DMD: variants seen among roughly 807,000 people sequenced by gnomAD.
DMD encodes dystrophin.
DMD carries 63 observed loss-of-function variants against 330.1 expected under a neutral mutation model. The ratio of observed to expected loss-of-function variants is 0.19; its 90% CI spans 0.16 to 0.24. The LOEUF is 0.24. Among genes scored for constraint, DMD ranks in the 10% least tolerant of loss-of-function variants. The pLI, the probability that DMD is intolerant of heterozygous loss-of-function variation, is 1.00. For missense variants in DMD, 3,344 were observed against 2,684.1 expected (o/e 1.25, Z -5.43); for synonymous variants, 1,223 against 959.8 (o/e 1.27, Z -5.07).
At chrX:31,932,343 T>C in intron 45 of DMD, 116 bp from the exon 46 acceptor site, 2 of 538,419 alleles carry the variant, frequency 3.7e-6, no homozygotes, top group Admixed American at 3.5e-5. Flanking sequence ...TTAAAAGATG[T>C]TAACCATACA....
intron 1 of DMD, among the ~76,000 whole-genome samples, chrX:33,261,211 C>T (rs562319518): frequency 2.3e-4 from 25 of 110,535 alleles, no homozygotes; most frequent in Admixed American, 7.8e-4. Context: ...CAATAAATAA[C>T]GGGAGATTAA....
chrX:31,156,889 T>C (rs2038194304), intron 74 of DMD, among the ~76,000 whole-genome samples: 1 of 111,712 alleles, frequency 9.0e-6, no homozygotes, highest in Non-Finnish European at 1.9e-5. Context: ...ATTTGTCCTG[T>C]AGATACCTGA....
intron 1 of DMD, among the ~76,000 whole-genome samples, chrX:33,090,272 C>A (rs2095067365): frequency 9.2e-6 from 1 of 109,111 alleles, no homozygotes; most frequent in East Asian, 2.8e-4. Flanking sequence ...CGTATATATA[C>A]CAAAATTACA....
chrX:32,176,443 T>G (rs928043693), intron 44 of DMD, among the ~76,000 whole-genome samples: 2 of 112,075 alleles, frequency 1.8e-5, no homozygotes, highest in South Asian at 3.7e-4. Context: ...AACCTAAATC[T>G]TCTACCTTCA....
At chrX:32,503,721 A>G (rs1307926822) in intron 18 of DMD, among the ~76,000 whole-genome samples, 1 of 109,689 alleles carries the variant, frequency 9.1e-6, no homozygotes, top group Non-Finnish European at 1.9e-5. Flanking sequence ...ACGCCCAGCT[A>G]ATTTTTGTAT....
intron 8 of DMD, among the ~76,000 whole-genome samples, chrX:32,698,415 G>A (rs961464840): frequency 1.8e-5 from 2 of 111,757 alleles, no homozygotes; most frequent in Non-Finnish European, 3.8e-5. Flanking sequence ...AGCTAGCTCA[G>A]CAAAGTGAGA....
At chrX:31,648,206 A>G (rs2080215230) in intron 54 of DMD, among the ~76,000 whole-genome samples, 1 of 111,735 alleles carries the variant, frequency 8.9e-6, no homozygotes, top group Non-Finnish European at 1.9e-5. Context: ...AATTGCTAAG[A>G]ATGTTGAGAA....
At chrX:32,433,429 G>A in intron 29 of DMD, among the ~76,000 whole-genome samples, 1 of 112,049 alleles carries the variant, frequency 8.9e-6, no homozygotes, top group Non-Finnish European at 1.9e-5. Context: ...TGTAATTCAA[G>A]CACTTTGGGA....
At chrX:32,220,498 A>C (rs2097128474) in intron 43 of DMD, among the ~76,000 whole-genome samples, 1 of 111,609 alleles carries the variant, frequency 9.0e-6, no homozygotes, top group Admixed American at 9.6e-5. Context: ...AGCCTCACAT[A>C]AAATTTTAAA....
rs775714155 is a variant in DMD, at chrX:31,663,479, C to T, written c.7873-5335G>A. On this transcript the variant is annotated intron_variant, in intron 53 of 78. Coordinates refer to ENST00000357033, the MANE Select transcript of DMD (RefSeq NM_004006.3). ...ATGTGGTTTACAGACTAATTCCTGACAACACGAACTGAAAGAAATCTCACA... is the reference window on the plus strand; with the variant it reads ...ATGTGGTTTACAGACTAATTCCTGATAACACGAACTGAAAGAAATCTCACA... Among the ~76,000 whole-genome samples the T allele has an allele frequency of 5.4e-5, 6 of 111,740 alleles. No individual in the cohort carries two copies. In the South Asian group the frequency reaches 1.9e-3, roughly 35 times the overall value.
At chrX:31,311,686 G>A (rs758185999) in intron 62 of DMD, among the ~76,000 whole-genome samples, 1 of 111,418 alleles carries the variant, frequency 9.0e-6, no homozygotes, top group African/African-American at 3.3e-5. Flanking sequence ...ATTCTGTGAA[G>A]AAGGTCATGG....
chrX:32,657,658 AT>A (rs2060669758), intron 9 of DMD, among the ~76,000 whole-genome samples: 1 of 112,131 alleles, frequency 8.9e-6, no homozygotes, highest in South Asian at 3.6e-4. Context: ...TGTTTCAATA[AT>A]TTTAAAAGTC....
intron 63 of DMD, among the ~76,000 whole-genome samples, chrX:31,223,634 C>T (rs2046317400): frequency 8.9e-6 from 1 of 111,795 alleles, no homozygotes; most frequent in Non-Finnish European, 1.9e-5. Flanking sequence ...CATCCACAAG[C>T]CCATAAACTC....
rs542726006 is a variant in DMD, at chrX:32,766,330, C to A, written c.649+43163G>T. On this transcript the variant is annotated intron_variant, in intron 7 of 78. Transcript: ENST00000357033. ...ATATTGAGTGTTCCATTTCATAAAC[C>A]TGGGGTTCCTTTTCATTTATTTATA... 3.5e-3 allele frequency among the ~76,000 whole-genome samples: 391 copies of A among 111,095 alleles called. 3 individuals are homozygous for A. The highest frequency in any genetic ancestry group is 0.012 in the African/African-American group (377 of 30,635).
chrX:31,792,317 A>C (rs2091608891), intron 50 of DMD, among the ~76,000 whole-genome samples: 1 of 112,540 alleles, frequency 8.9e-6, no homozygotes, highest in African/African-American at 3.2e-5. Context: ...CATTTTAAAA[A>C]TTATTTCTTA....
intron 34 of DMD, among the ~76,000 whole-genome samples, chrX:32,368,323 C>A (rs2097861397): frequency 9.1e-6 from 1 of 109,742 alleles, no homozygotes; most frequent in Non-Finnish European, 1.9e-5. Flanking sequence ...AGAAAAAAAT[C>A]ACATTTTTTT....
intron 42 of DMD, among the ~76,000 whole-genome samples, chrX:32,308,090 C>T (rs1023485242): frequency 9.1e-5 from 10 of 109,579 alleles, no homozygotes; most frequent in Non-Finnish European, 1.3e-4. Context: ...TATATATATA[C>T]GTATATATAT....
At chrX:33,289,450 T>G (rs1486886400) in intron 1 of DMD, among the ~76,000 whole-genome samples, 1 of 111,533 alleles carries the variant, frequency 9.0e-6, no homozygotes, top group East Asian at 2.8e-4. Flanking sequence ...TTAAAAACTG[T>G]ACACATGTTC....
intron 69 of DMD, among the ~76,000 whole-genome samples, chrX:31,179,021 C>A (rs1288084640): frequency 9.0e-6 from 1 of 111,539 alleles, no homozygotes; most frequent in South Asian, 3.8e-4. Context: ...CTCTGATCAT[C>A]AGTAAAATGG....
Sources: allele counts gnomAD v4.1 joint callset (sites outside exome capture counted in the v4.1 genomes callset), GRCh38; gene constraint gnomAD v4.1.1; transcripts MANE v1.5; gene names NCBI Gene and HGNC (gene_info 2026-07-23, HGNC 2026-07-21).